The following FGF14 variants were observed in gnomAD, a reference collection of about 807,000 sequenced individuals.
FGF14 encodes fibroblast growth factor homologous factor 4.
Under a neutral mutation model 25.5 loss-of-function variants are expected in FGF14, and 5 were observed. The ratio of observed to expected loss-of-function variants is 0.20; its 90% CI spans 0.10 to 0.41. The LOEUF is 0.41. FGF14 is among the 10% of genes least tolerant of loss of function. FGF14 has a pLI of 1.00. For missense variants in FGF14, 222 were observed against 320.1 expected, an observed-to-expected ratio of 0.69 and a Z score of 2.34; for synonymous variants, 138 against 118.3, an observed-to-expected ratio of 1.17 and a Z score of -1.08.
intron 1 of FGF14, among the ~76,000 whole-genome samples, chr13:102,271,264 A>G (rs1373408556): frequency 6.6e-6 from 1 of 152,178 alleles, no homozygotes; most frequent in African/African-American, 2.4e-5. Flanking sequence ...TTTATATCTC[A>G]TATTGGTTTG....
chr13:101,866,075 A>C (rs540414718), intron 3 of FGF14, among the ~76,000 whole-genome samples: 57 of 152,128 alleles, frequency 3.7e-4, no homozygotes, highest in African/African-American at 1.3e-3. Context: ...TAAATGTAAT[A>C]AATATAAAAA....
At chr13:102,206,772 A>T (rs2049946111) in intron 1 of FGF14, among the ~76,000 whole-genome samples, 1 of 152,178 alleles carries the variant, frequency 6.6e-6, no homozygotes, top group Admixed American at 6.5e-5. Flanking sequence ...ATATCACGTG[A>T]ATCAATAGGA....
intron 1 of FGF14, among the ~76,000 whole-genome samples, chr13:101,959,188 G>T (rs1338522208): frequency 6.6e-6 from 1 of 152,100 alleles, no homozygotes; most frequent in African/African-American, 2.4e-5. Flanking sequence ...TGAGAATCTT[G>T]TGCCACCCTG....
chr13:102,156,556 A>T (rs547092278), intron 1 of FGF14, among the ~76,000 whole-genome samples: 19 of 152,368 alleles, frequency 1.2e-4, no homozygotes, highest in African/African-American at 4.3e-4. Flanking sequence ...CCAATATCAT[A>T]CTGAATGAAC....
chr13:102,133,443 T>C (rs1342532377), intron 1 of FGF14, among the ~76,000 whole-genome samples: 1 of 152,166 alleles, frequency 6.6e-6, no homozygotes, highest in Non-Finnish European at 1.5e-5. Flanking sequence ...CATGTGTGCA[T>C]TTAAGTATGT....
rs1284260856 is a variant in FGF14 at position 101,916,672 on chromosome 13, G to A, written c.-27C>T. The A allele has an allele frequency of 4.1e-6, 6 of 1,473,656 alleles. No homozygotes were observed. The highest frequency in any genetic ancestry group is 5.0e-5 in the East Asian group (2 of 40,048). The allele number at this position is 1,473,656 out of a possible 1,614,324, so 91.3% of individuals were successfully genotyped here. On this transcript the variant is annotated 5_prime_UTR_variant, in exon 1 of 5. Coordinates refer to ENST00000376143, the MANE Select transcript of FGF14 (RefSeq NM_004115.4). ...GTGGCCCCGGGAACGGGTCCGGGGA[G>A]GGAGGGCGCGGGAGGACGGCGAGCC... is the stretch of plus-strand genomic sequence containing the variant.
chr13:101,812,111 C>A (rs569933294), intron 3 of FGF14, among the ~76,000 whole-genome samples: 1 of 152,238 alleles, frequency 6.6e-6, no homozygotes, highest in Admixed American at 6.5e-5. Context: ...TAAGTTCATT[C>A]ATCTATTAAA....
intron 1 of FGF14, among the ~76,000 whole-genome samples, chr13:102,283,659 C>T (rs2053956352): frequency 6.6e-6 from 1 of 152,126 alleles, no homozygotes; most frequent in Non-Finnish European, 1.5e-5. Context: ...TAAACAATTT[C>T]TCTGAACCTA....
At chr13:101,934,664 T>G (rs991885098) in intron 1 of FGF14, among the ~76,000 whole-genome samples, 17 of 152,234 alleles carry the variant, frequency 1.1e-4, no homozygotes, top group African/African-American at 4.1e-4. Context: ...ACCCATTAAC[T>G]GAAATGAAGC....
intron 3 of FGF14, among the ~76,000 whole-genome samples, chr13:101,744,532 T>A (rs2036760043): frequency 6.6e-6 from 1 of 152,112 alleles, no homozygotes; most frequent in Non-Finnish European, 1.5e-5. Flanking sequence ...GTGTCCAGAA[T>A]AATGCACAGT....
intron 1 of FGF14, among the ~76,000 whole-genome samples, chr13:102,233,967 T>C (rs528593604): frequency 2.6e-5 from 4 of 152,322 alleles, no homozygotes; most frequent in Non-Finnish European, 4.4e-5. Flanking sequence ...GGTAGACAAC[T>C]GTCCACCTTA....
intron 1 of FGF14, among the ~76,000 whole-genome samples, chr13:102,028,140 CA>C (rs1309062404): frequency 1.3e-5 from 2 of 152,056 alleles, no homozygotes; most frequent in Non-Finnish European, 2.9e-5. Context: ...GCGTGTCTTT[CA>C]AAAGACAGAA....
At chr13:102,262,939 T>C (rs542661674) in intron 1 of FGF14, 2 of 408,182 alleles carry the variant, frequency 4.9e-6, no homozygotes, top group Non-Finnish European at 4.5e-6. Context: ...CAACAAAACA[T>C]GTCCAACTCT....
intron 1 of FGF14, among the ~76,000 whole-genome samples, chr13:102,255,453 G>C (rs2052390492): frequency 1.3e-5 from 2 of 152,204 alleles, no homozygotes. Flanking sequence ...AAGCAGATGA[G>C]AGGGGGAAGC....
chr13:102,081,711 G>A (rs990872089), intron 1 of FGF14, among the ~76,000 whole-genome samples: 1 of 152,024 alleles, frequency 6.6e-6, no homozygotes, highest in Non-Finnish European at 1.5e-5. Flanking sequence ...ACATTACTAT[G>A]ACATGTGTTT....
intron 3 of FGF14, among the ~76,000 whole-genome samples, chr13:101,815,597 C>T (rs184523325): frequency 1.6e-4 from 24 of 152,258 alleles, no homozygotes; most frequent in African/African-American, 5.5e-4. Context: ...AGGGCTTCAT[C>T]GTATCTTATC....
At chr13:102,193,840 G>A (rs149014064) in intron 1 of FGF14, among the ~76,000 whole-genome samples, 195 of 152,190 alleles carry the variant, frequency 1.3e-3, no homozygotes, top group African/African-American at 4.6e-3. Context: ...AAAAAATCAT[G>A]ATACATGTAA....
At chr13:102,281,473 G>T (rs994672215) in intron 1 of FGF14, among the ~76,000 whole-genome samples, 3 of 152,050 alleles carry the variant, frequency 2.0e-5, no homozygotes, top group African/African-American at 7.2e-5. Flanking sequence ...CAAAGCAGAG[G>T]AAACAAGCCC....
chr13:101,739,611 C>T (rs2036412612), intron 3 of FGF14, among the ~76,000 whole-genome samples: 1 of 151,956 alleles, frequency 6.6e-6, no homozygotes, highest in Non-Finnish European at 1.5e-5. Context: ...GACCCTGGGG[C>T]AGGAGGAGAG....
Sources: gnomAD v4.1 joint callset for allele counts (sites outside exome capture counted in the v4.1 genomes callset) on GRCh38, gnomAD v4.1.1 for gene constraint, MANE v1.5 for transcripts, NCBI Gene and HGNC (gene_info 2026-07-23, HGNC 2026-07-21) for gene names.